CPD: variants seen among roughly 807,000 people sequenced by gnomAD.
CPD encodes carboxypeptidase D.
Under a neutral mutation model 138.3 loss-of-function variants are expected in CPD, and 69 were observed. That is an observed-to-expected ratio of 0.50 (90% CI 0.41 to 0.61). The LOEUF (loss-of-function observed/expected upper bound fraction) is 0.61, where lower values mean the gene tolerates loss of function less well. CPD is among the 20% of genes least tolerant of loss of function. The probability of loss-of-function intolerance (pLI) is 0.00; values close to 1 mark genes in which losing one functional copy is unlikely to be tolerated. For synonymous variants in CPD, 651 were observed against 642.1 expected (o/e 1.01, Z -0.21); for missense variants, 1,432 against 1,733.3 (o/e 0.83, Z 3.09).
intron 7 of CPD, among the ~76,000 whole-genome samples, chr17:30,427,764 T>C (rs1912459769): frequency 6.6e-6 from 1 of 152,022 alleles, no homozygotes; most frequent in African/African-American, 2.4e-5. Context: ...TCTCTTTTTT[T>C]CCTCCTCTTC....
intron 2 of CPD, among the ~76,000 whole-genome samples, chr17:30,400,491 A>G (rs1212419630): frequency 2.0e-5 from 3 of 151,788 alleles, no homozygotes; most frequent in Admixed American, 6.6e-5. Flanking sequence ...TGTATTTACC[A>G]TTTCTGTTGC....
Position 30,421,097 on chromosome 17 carries a change from ATTAC to A in CPD, c.1137+118_1137+121del, listed in dbSNP as rs1450847926. 8 of 682,172 alleles carry A rather than the reference ATTAC, an allele frequency of 1.2e-5. 1 individual carries two copies. The highest frequency in any genetic ancestry group is 9.2e-5 in the East Asian group (3 of 32,526). The allele number at this position is 682,172 out of a possible 1,614,324, so 42.3% of individuals were successfully genotyped here. A position where few individuals can be genotyped will look rare whatever the true frequency, so the allele number is the denominator to read the frequency against. ...TATTAGATGTCATTTATCTCTTTTT[ATTAC>A]TTAAGATTATAAATTATCTTTAAAG... On this transcript the variant is annotated intron_variant, in intron 3 of 20. Coordinates refer to ENST00000225719, the MANE Select transcript of CPD (RefSeq NM_001304.5).
At chr17:30,419,235 G>A (rs1019792677) in intron 2 of CPD, among the ~76,000 whole-genome samples, 1 of 152,166 alleles carries the variant, frequency 6.6e-6, no homozygotes, top group African/African-American at 2.4e-5. Context: ...CTCCTAATAA[G>A]CTGTGCTTAA....
At chr17:30,456,549 A>G (rs1913302749) in intron 17 of CPD, 23 bp downstream of exon 17, 3 of 1,611,272 alleles carry the variant, frequency 1.9e-6, no homozygotes, top group Middle Eastern at 1.7e-4. Context: ...GAACATGGTT[A>G]GAATGGAGTT....
intron 2 of CPD, among the ~76,000 whole-genome samples, chr17:30,414,503 A>C (rs1242633133): frequency 6.6e-6 from 1 of 152,080 alleles, no homozygotes; most frequent in Non-Finnish European, 1.5e-5. Context: ...GAATGGCATG[A>C]ATCCGGGAGG....
At chr17:30,411,188 C>A (rs1408781409) in intron 2 of CPD, among the ~76,000 whole-genome samples, 1 of 152,178 alleles carries the variant, frequency 6.6e-6, no homozygotes, top group Non-Finnish European at 1.5e-5. Context: ...TATTGGCCCC[C>A]ACTCTCTTCT....
At chr17:30,397,480 C>T (rs988619457) in intron 2 of CPD, among the ~76,000 whole-genome samples, 2 of 151,940 alleles carry the variant, frequency 1.3e-5, no homozygotes, top group African/African-American at 2.4e-5. Flanking sequence ...GGCCTATGAT[C>T]CTGGCACTTT....
intron 2 of CPD, among the ~76,000 whole-genome samples, chr17:30,398,233 TAGAAC>T (rs67882744): frequency 0.51 from 76,223 of 150,918 alleles, 19,792 homozygotes; most frequent in East Asian, 0.83. Context: ...TAGAATAGAA[TAGAAC>T]AGAATAGAAT....
chr17:30,459,291 C>T (rs1913401181), intron 17 of CPD, among the ~76,000 whole-genome samples: 1 of 150,706 alleles, frequency 6.6e-6, no homozygotes, highest in Non-Finnish European at 1.5e-5. Context: ...AGGTTAGTTA[C>T]ATATGTATAC....
chr17:30,432,799 G>T (rs1423937252), intron 8 of CPD, among the ~76,000 whole-genome samples: 1 of 151,992 alleles, frequency 6.6e-6, no homozygotes, highest in Non-Finnish European at 1.5e-5. Context: ...TGCATTTGTT[G>T]TTCCAGCTAC....
At chr17:30,420,691 A>G (rs1326661861) in intron 2 of CPD, 150 bp from the exon 3 acceptor site, 16 of 596,338 alleles carry the variant, frequency 2.7e-5, no homozygotes, top group Non-Finnish European at 4.0e-5. Context: ...AGCCTCCACT[A>G]TAGTTCAGAT....
chr17:30,468,281 T>G lies in CPD; in HGVS notation c.*3467T>G, dbSNP rs1174502671. 6.6e-6 allele frequency: 1 copy of G among 152,642 alleles called. No individual in the cohort carries two copies. The highest frequency in any genetic ancestry group is 2.4e-5 in the African/African-American group (1 of 41,464). The allele number at this position is 152,642 out of a possible 1,614,324, so 9.5% of individuals were successfully genotyped here. On this transcript the variant is annotated 3_prime_UTR_variant, in exon 21 of 21. Coordinates refer to ENST00000225719, the MANE Select transcript of CPD (RefSeq NM_001304.5). ...TAAATTATGTAAATATGTATGATTA[T>G]GATTTTTATAAATGGCATAACATGA...
intron 2 of CPD, among the ~76,000 whole-genome samples, chr17:30,387,342 C>T (rs1911220005): frequency 6.6e-6 from 1 of 152,180 alleles, no homozygotes; most frequent in Non-Finnish European, 1.5e-5. Flanking sequence ...TGGTCTCGAA[C>T]TCCTGACCTC....
chr17:30,401,857 T>C (rs547281580), intron 2 of CPD, among the ~76,000 whole-genome samples: 29 of 152,208 alleles, frequency 1.9e-4, no homozygotes, highest in African/African-American at 6.0e-4. Flanking sequence ...TTTGCACTTA[T>C]AGTGTTTGAG....
At position 30,445,927 on chromosome 17, in the gene CPD, C is replaced by G; in HGVS notation, c.2780C>G (p.Ala927Gly). ...SLMLRSSSNL[A>G]LALYRYHSYK... ...ATGTTACGCTCCTCCTCAAATCTGG[C>G]TCTGGCTCTTTATCGATACCATTCC... is the stretch of plus-strand genomic sequence containing the variant. Residue 927 changes from alanine to glycine, a missense_variant, in exon 12 of 21, where the codon GCT becomes GGT. Transcript: ENST00000225719. The G allele has an allele frequency of 6.2e-7, 1 of 1,614,106 alleles. No individual in the cohort carries two copies. Among genetic ancestry groups the G allele is most frequent in the Non-Finnish European group, 8.5e-7 (1 of 1,179,994 alleles).
At chr17:30,427,937 TTCC>T (rs1344897377) in intron 7 of CPD, among the ~76,000 whole-genome samples, 1 of 151,696 alleles carries the variant, frequency 6.6e-6, no homozygotes, top group South Asian at 2.1e-4. Context: ...TACTCTGTTC[TTCC>T]TCCTCCTCTC....
chr17:30,429,344 A>G (rs1912503787), intron 7 of CPD, among the ~76,000 whole-genome samples: 1 of 152,258 alleles, frequency 6.6e-6, no homozygotes, highest in African/African-American at 2.4e-5. Flanking sequence ...AATAAGTCAC[A>G]GATTTACAGA....
At chr17:30,417,650 C>T (rs986259328) in intron 2 of CPD, among the ~76,000 whole-genome samples, 11 of 152,148 alleles carry the variant, frequency 7.2e-5, no homozygotes, top group African/African-American at 2.7e-4. Context: ...TCTTTCCCTT[C>T]TCTTCCACAG....
chr17:30,458,602 C>T (rs1913363432), intron 17 of CPD, among the ~76,000 whole-genome samples: 1 of 152,034 alleles, frequency 6.6e-6, no homozygotes, highest in Non-Finnish European at 1.5e-5. Flanking sequence ...CACGGTGGCT[C>T]AGGCCTGTAA....
Sources: allele counts gnomAD v4.1 joint callset (sites outside exome capture counted in the v4.1 genomes callset), GRCh38; gene constraint gnomAD v4.1.1; transcripts MANE v1.5; gene names NCBI Gene and HGNC (gene_info 2026-07-23, HGNC 2026-07-21).